OLR1: variants seen among roughly 807,000 people sequenced by gnomAD.
OLR1 encodes oxidized low-density lipoprotein receptor 1.
In OLR1, 23 loss-of-function variants were observed where a neutral mutation model predicts 31.7. The ratio of observed to expected loss-of-function variants is 0.72; its 90% confidence interval spans 0.52 to 1.03. The LOEUF is 1.03. Among genes scored for constraint, OLR1 ranks in the 50% least tolerant of loss-of-function variants. The pLI is 0.00. For missense variants in OLR1, 286 were observed against 315.7 expected, an observed-to-expected ratio of 0.91 and a Z score of 0.71; for synonymous variants, 117 against 115.8, an observed-to-expected ratio of 1.01 and a Z score of -0.07.
upstream of OLR1, chr12:10,172,437 A>AT (rs1948731161): frequency 5.9e-6 from 1 of 168,318 alleles, no homozygotes; most frequent in African/African-American, 2.4e-5. Context: ...CTACATTTGT[A>AT]AAAAATGTGC....
intron 3 of OLR1, among the ~76,000 whole-genome samples, chr12:10,162,867 A>G (rs945675912): frequency 6.6e-6 from 1 of 152,186 alleles, no homozygotes; most frequent in African/African-American, 2.4e-5. Context: ...TTTGTGGACT[A>G]AAAAGACAGT....
intron 3 of OLR1, among the ~76,000 whole-genome samples, chr12:10,161,924 G>GATATATATATATATATATATAT (rs34054558): frequency 5.9e-5 from 4 of 67,936 alleles, no homozygotes; most frequent in Admixed American, 2.2e-4. Context: ...AAATTTTAAT[G>GATATATATATATATATATATAT]ATATATATAT....
chr12:10,159,127 G>A lies in OLR1; in HGVS notation c.*753C>T, dbSNP rs1948598231. On this transcript the variant is annotated 3_prime_UTR_variant, in exon 6 of 6. Coordinates refer to ENST00000309539, the MANE Select transcript of OLR1 (RefSeq NM_002543.4). Reference sequence around the variant, plus strand: ...GCCACACATCCCATGATTCTAACAAGAACTGTTGTGAAGGGTTAAATCTAT... The same window carrying A: ...GCCACACATCCCATGATTCTAACAAAAACTGTTGTGAAGGGTTAAATCTAT... The A allele has an allele frequency of 6.6e-6, 1 of 151,948 alleles. No homozygotes were observed. Among genetic ancestry groups the A allele is most frequent in the Non-Finnish European group, 1.5e-5 (1 of 67,986 alleles). The allele number at this position is 151,948 out of a possible 1,614,324, so 9.4% of individuals were successfully genotyped here.
chr12:10,175,940 T>C (rs930434472), upstream of OLR1, among the ~76,000 whole-genome samples: 2 of 152,236 alleles, frequency 1.3e-5, no homozygotes, highest in Non-Finnish European at 2.9e-5. Context: ...GCTACACTTG[T>C]TACACCAGTT....
chr12:10,165,266 A>G (rs1221498309), intron 3 of OLR1, among the ~76,000 whole-genome samples: 1 of 151,348 alleles, frequency 6.6e-6, no homozygotes, highest in Admixed American at 6.6e-5. Flanking sequence ...CCCTCTCAAA[A>G]AAAAAAAAAG....
At chr12:10,174,452 C>T (rs184008622), upstream of OLR1, among the ~76,000 whole-genome samples, 6 of 152,204 alleles carry the variant, frequency 3.9e-5, no homozygotes, top group East Asian at 1.9e-4. Context: ...AAGTAGATTT[C>T]GCTGCATAAT....
At chr12:10,172,302 G>A (rs1015157284), upstream of OLR1, 8 of 452,348 alleles carry the variant, frequency 1.8e-5, no homozygotes, top group African/African-American at 1.6e-4. Context: ...TGATTCTGAA[G>A]GTGTTTCAGG....
chr12:10,164,432 A>G (rs1023222418), intron 3 of OLR1, among the ~76,000 whole-genome samples: 27 of 152,248 alleles, frequency 1.8e-4, no homozygotes, highest in Non-Finnish European at 3.2e-4. Context: ...CTTACACAAA[A>G]TTACTTTTTA....
intron 3 of OLR1, among the ~76,000 whole-genome samples, chr12:10,165,002 C>G (rs1948649045): frequency 6.6e-6 from 1 of 152,216 alleles, no homozygotes; most frequent in African/African-American, 2.4e-5. Flanking sequence ...GTGGCTCACA[C>G]CTGTAATCCC....
chr12:10,165,151 T>C lies in OLR1; in HGVS notation c.424+1561A>G, dbSNP rs1015934820. Among the ~76,000 whole-genome samples the C allele has an allele frequency of 3.3e-5, 5 of 152,120 alleles. No homozygotes were observed. The East Asian group carries it at 9.7e-4, about 29-fold the overall frequency. ...GGTGGCGGGTGCCTCTAATCCCAAC[T>C]ATTCGGGAGGCTGAGGCAGGAGAAT... On this transcript the variant is annotated intron_variant, in intron 3 of 5. Transcript: ENST00000309539.
At chr12:10,161,019 G>T in intron 3 of OLR1, 94 bp from the exon 4 acceptor site, 2 of 1,241,310 alleles carry the variant, frequency 1.6e-6, no homozygotes, top group Non-Finnish European at 1.1e-6. Flanking sequence ...TCTCTCACGT[G>T]CATACTATTT....
At chr12:10,172,250 C>G, upstream of OLR1, 1 of 554,150 alleles carries the variant, frequency 1.8e-6, no homozygotes, top group South Asian at 2.4e-5. Flanking sequence ...AGTTCGCTGA[C>G]GCAAATTCTT....
rs773520812 is a variant in OLR1, at chr12:10,160,887, A to T, written c.463T>A (p.Cys155Ser). 1 of 1,614,160 alleles carries T rather than the reference A, an allele frequency of 6.2e-7. No individual in the cohort carries two copies. Residue 155 changes from cysteine (C) to serine (S), a missense_variant, in exon 4 of 6, where the codon TGT becomes AGT. By Grantham distance (112) the Cys-to-Ser change is moderately radical. Transcript: ENST00000309539. The stretch of plus-strand genomic sequence containing the variant: ...AATGAGCCCGAGGAAAATAGGTAAC[A>T]GTTTTCTCCATGCCAGATCCAGTCT... ...PQDWIWHGEN[C>S]YLFSSGSFNW...
At position 10,159,935 on chromosome 12, in the gene OLR1, C is replaced by T. The variant is rs1441345415; in HGVS notation, c.767G>A (p.Cys256Tyr). 6.2e-7 allele frequency: 1 copy of T among 1,613,968 alleles called. No individual in the cohort carries two copies. The highest frequency in any genetic ancestry group is 1.3e-5 in the African/African-American group (1 of 75,024). Residue 256 changes from cysteine (C) to tyrosine (Y), a missense_variant, in exon 6 of 6, where the codon TGC (cysteine) becomes TAC (tyrosine). By Grantham distance (194) the Cys-to-Tyr change is radical (BLOSUM62 -2). Coordinates refer to ENST00000309539, the MANE Select transcript of OLR1 (RefSeq NM_002543.4). Reference sequence around the variant, plus strand: ...ACATATACTGAAGGCAGCTAAAATGCAGTTTTCCGCATAAACAGCTCCTCG... The same window carrying T: ...ACATATACTGAAGGCAGCTAAAATGTAGTTTTCCGCATAAACAGCTCCTCG... ...IQRGAVYAEN[C>Y]ILAAFSICQK...
chr12:10,169,288 T>C lies in OLR1; in HGVS notation c.77-113A>G, dbSNP rs530257672. Reference sequence around the variant, plus strand: ...TTTACTCTGTTTATGTTTTAGTAAATAGACATAAATAGTTTGCATTCCATA... The same window carrying C: ...TTTACTCTGTTTATGTTTTAGTAAACAGACATAAATAGTTTGCATTCCATA... On this transcript the variant is annotated intron_variant, in intron 1 of 5. Coordinates refer to ENST00000309539, the MANE Select transcript of OLR1 (RefSeq NM_002543.4). The C allele has an allele frequency of 4.4e-4, 269 of 611,376 alleles. 5 individuals carry two copies. In the South Asian group the frequency reaches 7.0e-3, roughly 16 times the overall value. 37.9% of individuals were successfully genotyped at this position (611,376 alleles called of 1,614,324 possible).
chr12:10,167,048 ATT>A, intron 2 of OLR1, 91 bp from the exon 3 acceptor site: 1 of 1,264,088 alleles, frequency 7.9e-7, no homozygotes, highest in Non-Finnish European at 1.1e-6. Flanking sequence ...AATTAAATCT[ATT>A]TTGACAATAG....
chr12:10,160,622 C>A (rs770957421), intron 4 of OLR1, 160 bp from the exon 5 acceptor site: 14 of 998,782 alleles, frequency 1.4e-5, no homozygotes, highest in Non-Finnish European at 2.0e-5. Flanking sequence ...AGAGATACTA[C>A]AGAGCCTGTC....
intron 1 of OLR1, among the ~76,000 whole-genome samples, chr12:10,171,640 T>C (rs1948719002): frequency 6.6e-6 from 1 of 152,298 alleles, no homozygotes; most frequent in African/African-American, 2.4e-5. Flanking sequence ...GCTCTACCAC[T>C]TATTAGCTCC....
At chr12:10,171,807 C>T (rs1024049942) in intron 1 of OLR1, among the ~76,000 whole-genome samples, 195 bp downstream of exon 1, 1 of 152,154 alleles carries the variant, frequency 6.6e-6, no homozygotes, top group Admixed American at 6.5e-5. Flanking sequence ...AGTAAATACT[C>T]AGTATAAATT....
Sources: allele counts gnomAD v4.1 joint callset (sites outside exome capture counted in the v4.1 genomes callset), GRCh38; gene constraint gnomAD v4.1.1; transcripts MANE v1.5; gene names NCBI Gene and HGNC (gene_info 2026-07-23, HGNC 2026-07-21).